The following PDE1A variants were observed in gnomAD, a reference collection of about 807,000 sequenced individuals.
PDE1A encodes dual specificity calcium/calmodulin-dependent 3',5'-cyclic nucleotide phosphodiesterase 1A.
Under a neutral mutation model 61.7 loss-of-function variants are expected in PDE1A, and 35 were observed. The observed-to-expected ratio is 0.57, with a 90% CI of 0.43 to 0.75. The LOEUF is 0.75. PDE1A is among the 30% of genes least tolerant of loss of function. The pLI, the probability that PDE1A is intolerant of heterozygous loss-of-function variation, is 0.00. For synonymous variants in PDE1A, 232 were observed against 213.2 expected (o/e 1.09, Z -0.77); for missense variants, 597 against 630.6 (o/e 0.95, Z 0.57).
At chr2:182,552,532 G>A in the PDE1A span, among the ~76,000 whole-genome samples, 4 of 148,392 alleles carry the variant, frequency 2.7e-5, no homozygotes, top group Non-Finnish European at 5.9e-5. Flanking sequence ...GCAACTGAGA[G>A]ACAGGACTAG....
the PDE1A span, among the ~76,000 whole-genome samples, chr2:182,598,015 C>T: frequency 2.6e-5 from 4 of 152,156 alleles, no homozygotes; most frequent in African/African-American, 9.7e-5. Context: ...GAAATTTAAG[C>T]GACTAAGTCA....
At chr2:182,337,810 T>C (rs1401819757) in intron 1 of PDE1A, among the ~76,000 whole-genome samples, 2 of 152,104 alleles carry the variant, frequency 1.3e-5, no homozygotes, top group Non-Finnish European at 2.9e-5. Flanking sequence ...GCACTAAAGG[T>C]AAATATAGGA....
At chr2:182,175,928 T>G (rs1692721453) in intron 13 of PDE1A, among the ~76,000 whole-genome samples, 1 of 142,140 alleles carries the variant, frequency 7.0e-6, no homozygotes, top group African/African-American at 2.8e-5. Flanking sequence ...CCAGCACCAT[T>G]TATTAAATAG....
chr2:182,168,302 A>G, intron 13 of PDE1A: 2 of 1,582,914 alleles, frequency 1.3e-6, no homozygotes, highest in Non-Finnish European at 1.7e-6. Flanking sequence ...TGAAAAAAAA[A>G]AAAGCGTACT....
the PDE1A span, among the ~76,000 whole-genome samples, chr2:182,580,357 T>C: frequency 6.6e-6 from 1 of 152,186 alleles, no homozygotes; most frequent in African/African-American, 2.4e-5. Context: ...GAGGCTTCTC[T>C]CATTCGCTTA....
chr2:182,191,968 G>A (rs1015355782), intron 10 of PDE1A, among the ~76,000 whole-genome samples: 1 of 151,666 alleles, frequency 6.6e-6, no homozygotes, highest in Admixed American at 6.6e-5. Context: ...CAATTCTCCT[G>A]CCTTAGCCTC....
the PDE1A span, among the ~76,000 whole-genome samples, chr2:182,561,724 T>C: frequency 6.6e-6 from 1 of 152,058 alleles, no homozygotes; most frequent in Non-Finnish European, 1.5e-5. Context: ...TATCCTCTTT[T>C]ATTTCCTTGA....
intron 2 of PDE1A, among the ~76,000 whole-genome samples, chr2:182,499,450 C>T (rs1688956665): frequency 6.6e-6 from 1 of 152,172 alleles, no homozygotes; most frequent in Non-Finnish European, 1.5e-5. Flanking sequence ...TCTCAAACTC[C>T]TGACCTCAAA....
Position 182,185,875 on chromosome 2 carries a change from C to G in PDE1A, c.1516+17G>C. The G allele has an allele frequency of 1.2e-6, 2 of 1,613,476 alleles. No homozygotes were observed. The highest frequency in any genetic ancestry group is 2.2e-5 in the South Asian group (2 of 91,070). On this transcript the variant is annotated intron_variant, in intron 13 of 13. Coordinates refer to ENST00000351439, the Ensembl canonical transcript of PDE1A. ...AGACAGAGAGAGATGGCAGTAAGGC[C>G]TCATAAACAACACTACCTTGTGCAG...
intron 1 of PDE1A, among the ~76,000 whole-genome samples, chr2:182,279,638 C>A (rs1399805890): frequency 6.6e-6 from 1 of 151,786 alleles, no homozygotes; most frequent in Non-Finnish European, 1.5e-5. Flanking sequence ...TTGAACTTCA[C>A]TTTTAAAACA....
intron 1 of PDE1A, among the ~76,000 whole-genome samples, chr2:182,413,880 C>G (rs946680649): frequency 6.6e-6 from 1 of 152,034 alleles, no homozygotes; most frequent in Non-Finnish European, 1.5e-5. Flanking sequence ...ACTAGTGTTA[C>G]AAGGGACAAG....
the PDE1A span, among the ~76,000 whole-genome samples, chr2:182,599,863 A>G: frequency 6.6e-6 from 1 of 152,178 alleles, no homozygotes; most frequent in Non-Finnish European, 1.5e-5. Context: ...ATCTGATTAG[A>G]TTGCTAAATA....
chr2:182,685,794 A>C, the PDE1A span, among the ~76,000 whole-genome samples: 1 of 152,128 alleles, frequency 6.6e-6, no homozygotes, highest in Admixed American at 6.6e-5. Context: ...TTGATCACGC[A>C]CCTTCCTCCC....
At chr2:182,535,668 G>A in the PDE1A span, among the ~76,000 whole-genome samples, 1 of 151,984 alleles carries the variant, frequency 6.6e-6, no homozygotes, top group Non-Finnish European at 1.5e-5. Flanking sequence ...TTTGACGGGG[G>A]TATATAATTA....
chr2:182,230,554 G>A (rs1008750351), intron 5 of PDE1A, among the ~76,000 whole-genome samples: 1 of 152,132 alleles, frequency 6.6e-6, no homozygotes, highest in Non-Finnish European at 1.5e-5. Flanking sequence ...TGATTCTACA[G>A]GAAATGATGA....
chr2:182,495,867 A>G (rs982916606), intron 2 of PDE1A, among the ~76,000 whole-genome samples: 3 of 152,240 alleles, frequency 2.0e-5, no homozygotes, highest in Non-Finnish European at 4.4e-5. Flanking sequence ...TCTATAGTCC[A>G]ATGTCAGTAT....
At chr2:182,593,688 A>G in the PDE1A span, among the ~76,000 whole-genome samples, 95 of 152,330 alleles carry the variant, frequency 6.2e-4, 1 homozygote, top group African/African-American at 2.2e-3. Context: ...TACATGTTAC[A>G]TGAAATAAAG....
intron 13 of PDE1A, among the ~76,000 whole-genome samples, chr2:182,160,359 G>C (rs1395781820): frequency 1.3e-5 from 2 of 152,268 alleles, no homozygotes; most frequent in Non-Finnish European, 2.9e-5. Flanking sequence ...CCATGAGTTA[G>C]TGAACTGGGC....
chr2:182,431,560 T>C (rs929600726), upstream of PDE1A, among the ~76,000 whole-genome samples: 1 of 152,120 alleles, frequency 6.6e-6, no homozygotes, highest in Admixed American at 6.6e-5. Flanking sequence ...TAGAATCATT[T>C]TCGAGATAAC....
Sources: gnomAD v4.1 joint callset for allele counts (sites outside exome capture counted in the v4.1 genomes callset) on GRCh38, gnomAD v4.1.1 for gene constraint, MANE v1.5 for transcripts, NCBI Gene and HGNC (gene_info 2026-07-23, HGNC 2026-07-21) for gene names.